The following SEM1 variants were observed in gnomAD, a reference collection of about 807,000 sequenced individuals.
The protein encoded by SEM1 is SEM1 26S proteasome subunit, also known as 26S proteasome complex subunit SEM1.
Under a neutral mutation model 12.7 loss-of-function variants are expected in SEM1, and 3 were observed. The ratio of observed to expected loss-of-function variants is 0.24; its 90% CI spans 0.11 to 0.61. The LOEUF is 0.61. SEM1 is among the 20% of genes least tolerant of loss of function. The pLI, the probability that SEM1 is intolerant of heterozygous loss-of-function variation, is 0.88. For missense variants in SEM1, 59 were observed against 81.3 expected, an observed-to-expected ratio of 0.73 and a Z score of 1.06; for synonymous variants, 30 against 27.8, an observed-to-expected ratio of 1.08 and a Z score of -0.25.
intron 2 of SEM1, among the ~76,000 whole-genome samples, chr7:96,579,551 A>C (rs964647941): frequency 6.6e-6 from 1 of 152,224 alleles, no homozygotes; most frequent in Non-Finnish European, 1.5e-5. Context: ...CATTGCAGCA[A>C]TAGAAGAGAT....
chr7:96,616,026 T>C (rs889184543), intron 2 of SEM1, among the ~76,000 whole-genome samples: 8 of 152,228 alleles, frequency 5.3e-5, no homozygotes, highest in African/African-American at 1.7e-4. Flanking sequence ...GGTATCTTTT[T>C]GATATAATTT....
At chr7:96,543,213 C>T (rs1342379532) in intron 2 of SEM1, among the ~76,000 whole-genome samples, 2 of 151,716 alleles carry the variant, frequency 1.3e-5, no homozygotes, top group African/African-American at 4.8e-5. Context: ...GTGTCATATT[C>T]CCTAAACAAT....
chr7:96,665,834 C>T (rs1789156309), intron 2 of SEM1, among the ~76,000 whole-genome samples: 2 of 152,150 alleles, frequency 1.3e-5, no homozygotes, highest in Non-Finnish European at 2.9e-5. Context: ...GACAACCTGT[C>T]CCTAGGATAA....
At chr7:96,579,466 T>C (rs1486677569) in intron 2 of SEM1, among the ~76,000 whole-genome samples, 1 of 152,172 alleles carries the variant, frequency 6.6e-6, no homozygotes. Context: ...GGAGAAGAAC[T>C]GAATTAGAAT....
At chr7:96,580,656 G>A (rs561986009) in intron 2 of SEM1, among the ~76,000 whole-genome samples, 1,782 of 151,640 alleles carry the variant, frequency 0.012, 16 homozygotes, top group Non-Finnish European at 0.017. Flanking sequence ...TTTAATGATT[G>A]CCATTCTAAC....
At chr7:96,559,516 C>T (rs911699218) in intron 2 of SEM1, among the ~76,000 whole-genome samples, 1 of 152,176 alleles carries the variant, frequency 6.6e-6, no homozygotes, top group Non-Finnish European at 1.5e-5. Flanking sequence ...ATCCAGAGAT[C>T]AAGCGACCCA....
At chr7:96,702,633 T>C (rs1790304568) in intron 1 of SEM1, among the ~76,000 whole-genome samples, 1 of 152,242 alleles carries the variant, frequency 6.6e-6, no homozygotes, top group Middle Eastern at 3.4e-3. Flanking sequence ...GATGAACAAG[T>C]TACAAGTTTG....
rs560573654 is a variant in SEM1, at chr7:96,555,415, A to G, written c.171-48717T>C. 2.9e-3 allele frequency among the ~76,000 whole-genome samples: 434 copies of G among 148,572 alleles called. 2 individuals are homozygous for G. The highest frequency in any genetic ancestry group is 5.7e-3 in the Non-Finnish European group (378 of 66,808). On this transcript the variant is annotated intron_variant and NMD_transcript_variant, in intron 2 of 3. Transcript: ENST00000466986. ...TCTTTGTTCTCGTTGGTTTCAAAGA[A>G]CATCTTTATTTCTGCCTTCATTTCG...
At chr7:96,502,969 G>C (rs909648471) in intron 3 of SEM1, among the ~76,000 whole-genome samples, 3 of 152,120 alleles carry the variant, frequency 2.0e-5, no homozygotes, top group Non-Finnish European at 4.4e-5. Context: ...CCTTTATCAG[G>C]CCAATCTAAG....
exon 4 of SEM1, chr7:96,483,607 T>C (rs1802631190): frequency 4.2e-6 from 2 of 473,714 alleles, no homozygotes; most frequent in African/African-American, 3.9e-5. Flanking sequence ...GAAGTCACTG[T>C]CTGAAACATT....
chr7:96,605,402 A>C (rs539195222), intron 2 of SEM1, among the ~76,000 whole-genome samples: 91 of 152,352 alleles, frequency 6.0e-4, no homozygotes, highest in African/African-American at 2.1e-3. Context: ...TTTTCAGATC[A>C]TAGTCTATTG....
chr7:96,612,299 T>G (rs1584804547), intron 2 of SEM1, among the ~76,000 whole-genome samples: 2 of 152,214 alleles, frequency 1.3e-5, no homozygotes, highest in South Asian at 4.1e-4. Context: ...GTCTGGCACC[T>G]GATATTTGCA....
intron 2 of SEM1, among the ~76,000 whole-genome samples, chr7:96,613,527 TATCATTTC>T (rs1301671382): frequency 1.3e-5 from 2 of 152,174 alleles, no homozygotes; most frequent in African/African-American, 2.4e-5. Flanking sequence ...CTCAAATAAT[TATCATTTC>T]TTTGTGGTAA....
chr7:96,544,046 G>T (rs1372918485), intron 2 of SEM1, among the ~76,000 whole-genome samples: 1 of 151,948 alleles, frequency 6.6e-6, no homozygotes, highest in African/African-American at 2.4e-5. Context: ...TCTGGAAGGG[G>T]CCAATGGAGA....
At chr7:96,704,024 C>T (rs1246127962) in intron 1 of SEM1, among the ~76,000 whole-genome samples, 7 of 130,756 alleles carry the variant, frequency 5.4e-5, no homozygotes, top group African/African-American at 1.1e-4. Context: ...CATAAAAGAA[C>T]CAAAGAAAAA....
chr7:96,525,708 G>A (rs1274006234), intron 2 of SEM1, among the ~76,000 whole-genome samples: 5 of 152,142 alleles, frequency 3.3e-5, no homozygotes, highest in South Asian at 2.1e-4. Flanking sequence ...CATAACAGGA[G>A]GTCAGCAGCA....
intron 2 of SEM1, among the ~76,000 whole-genome samples, chr7:96,664,579 C>T (rs1447398761): frequency 1.3e-5 from 2 of 152,182 alleles, no homozygotes; most frequent in African/African-American, 2.4e-5. Flanking sequence ...ACCTCCTTCT[C>T]TTAAGATCCT....
At chr7:96,496,822 A>AT (rs933796443), upstream of SEM1, among the ~76,000 whole-genome samples, 1 of 152,068 alleles carries the variant, frequency 6.6e-6, no homozygotes, top group Non-Finnish European at 1.5e-5. Context: ...TTTCAAGGGC[A>AT]TTTTTTTAAA....
At chr7:96,659,970 G>T (rs1157532759) in intron 2 of SEM1, among the ~76,000 whole-genome samples, 1 of 149,146 alleles carries the variant, frequency 6.7e-6, no homozygotes, top group East Asian at 2.0e-4. Context: ...ACAGTAAGTG[G>T]GATTATATTA....
Sources: allele counts gnomAD v4.1 joint callset (sites outside exome capture counted in the v4.1 genomes callset), GRCh38; gene constraint gnomAD v4.1.1; transcripts MANE v1.5; gene names NCBI Gene and HGNC (gene_info 2026-07-23, HGNC 2026-07-21).